Variants in EDNRB observed in about 807,000 individuals in gnomAD.
The protein encoded by EDNRB is Hirschsprung disease 2.
In EDNRB, 18 loss-of-function variants were observed where a neutral mutation model predicts 46.4. The ratio of observed to expected loss-of-function variants is 0.39; its 90% CI spans 0.27 to 0.57. EDNRB has a LOEUF of 0.57. EDNRB is among the 20% of genes least tolerant of loss of function. EDNRB has a pLI of 0.61. For synonymous variants in EDNRB, 213 were observed against 204.9 expected (o/e 1.04, Z -0.34); for missense variants, 434 against 537.5 (o/e 0.81, Z 1.90).
chr13:77,954,786 T>C (rs926594352), intron 1 of EDNRB, among the ~76,000 whole-genome samples: 1 of 152,046 alleles, frequency 6.6e-6, no homozygotes. Context: ...GGATTACAGG[T>C]GTGAGCCAAC....
At chr13:77,914,726 C>G (rs1879728280) in intron 1 of EDNRB, among the ~76,000 whole-genome samples, 1 of 152,178 alleles carries the variant, frequency 6.6e-6, no homozygotes, top group Non-Finnish European at 1.5e-5. Flanking sequence ...TTGAGGAAGT[C>G]CAGGCAGATC....
chr13:77,920,534 G>A (rs1880052751), upstream of EDNRB, among the ~76,000 whole-genome samples: 1 of 152,190 alleles, frequency 6.6e-6, no homozygotes, highest in African/African-American at 2.4e-5. Context: ...TGGAATAGAT[G>A]GGACAAGAAC....
In EDNRB at chr13:77,897,365, G is replaced by C. The variant is rs1237032869; in HGVS notation, c.*835C>G. On this transcript the variant is annotated 3_prime_UTR_variant, in exon 7 of 7. Transcript: ENST00000646607. ...AGATAGTATTGTCTTCACAGGGTAT[G>C]TGAATGACAGATTCAAAAAAGTCTT... 1.7e-5 allele frequency: 17 copies of C among 985,168 alleles called. 1 individual carries two copies. In the East Asian group the frequency reaches 6.8e-4, roughly 40 times the overall value. The allele number at this position is 985,168 out of a possible 1,614,324, so 61.0% of individuals were successfully genotyped here.
intron 1 of EDNRB, among the ~76,000 whole-genome samples, chr13:77,909,857 T>C (rs550803993): frequency 1.3e-5 from 2 of 152,022 alleles, no homozygotes; most frequent in Non-Finnish European, 2.9e-5. Context: ...ATTTACTATT[T>C]ATATTTTCTA....
Position 77,898,078 on chromosome 13 carries a change from AT to A in EDNRB, c.*121del. The A allele has an allele frequency of 2.0e-6, 3 of 1,496,086 alleles. No homozygotes were observed. In the South Asian group the frequency reaches 3.9e-5, roughly 19 times the overall value. 92.7% of individuals were successfully genotyped at this position (1,496,086 alleles called of 1,614,324 possible). On this transcript the variant is annotated 3_prime_UTR_variant, in exon 7 of 7. Coordinates refer to ENST00000646607, the MANE Select transcript of EDNRB (RefSeq NM_001122659.3). ...GTGAGTGTTAAAATAATTACACTTA[AT>A]ATTTTAATAGTGTGCTGTGCAAATA...
At chr13:77,940,766 G>T (rs1457056040) in intron 1 of EDNRB, among the ~76,000 whole-genome samples, 1 of 151,754 alleles carries the variant, frequency 6.6e-6, no homozygotes, top group Non-Finnish European at 1.5e-5. Context: ...AAGAGCAGTT[G>T]GGTTAAAATT....
In EDNRB at chr13:77,903,131, G is replaced by A. The variant is rs772585011; in HGVS notation, c.801+25C>T. 2.5e-6 allele frequency: 4 copies of A among 1,610,912 alleles called. No individual in the cohort carries two copies. The South Asian group carries it at 4.4e-5, about 18-fold the overall frequency. On this transcript the variant is annotated intron_variant, in intron 3 of 6. Transcript: ENST00000646607. ...AATATTTATAAGGCAAGAGCAGAAA[G>A]GAAAATAAAAAAAGTGAAATTTACC...
Position 77,896,848 on chromosome 13 carries a change from T to C in EDNRB, c.*1352A>G. The C allele has an allele frequency of 9.5e-7, 1 of 1,054,056 alleles. No homozygotes were observed. The highest frequency in any genetic ancestry group is 1.1e-6 in the Non-Finnish European group (1 of 875,574). The allele number at this position is 1,054,056 out of a possible 1,614,324, so 65.3% of individuals were successfully genotyped here. ...CCCAAGCTATCCTAAGGCACTTTGCTTAGAAGATATAAAAATTAGGCAGGA... is the reference window on the plus strand; with the variant it reads ...CCCAAGCTATCCTAAGGCACTTTGCCTAGAAGATATAAAAATTAGGCAGGA... On this transcript the variant is annotated 3_prime_UTR_variant, in exon 7 of 7. Transcript: ENST00000646607.
intron 1 of EDNRB, among the ~76,000 whole-genome samples, chr13:77,968,037 T>A (rs2137692419): frequency 6.6e-6 from 1 of 152,308 alleles, no homozygotes; most frequent in Admixed American, 6.5e-5. Context: ...CCTAAGTTCA[T>A]GAATTATGAC....
At chr13:77,945,885 A>AC (rs1176877996) in intron 1 of EDNRB, among the ~76,000 whole-genome samples, 7 of 151,450 alleles carry the variant, frequency 4.6e-5, no homozygotes, top group African/African-American at 9.7e-5. Context: ...CCAAAAAAAA[A>AC]AAAAAAAACA....
At chr13:77,974,016 C>A (rs565256359) in intron 1 of EDNRB, among the ~76,000 whole-genome samples, 2 of 151,694 alleles carry the variant, frequency 1.3e-5, no homozygotes, top group South Asian at 4.2e-4. Flanking sequence ...CTGTCTAAGG[C>A]CGCAAGAATA....
intron 1 of EDNRB, among the ~76,000 whole-genome samples, chr13:77,925,426 G>A (rs1880209570): frequency 6.6e-6 from 1 of 152,150 alleles, no homozygotes; most frequent in Admixed American, 6.5e-5. Context: ...ACAACCAATA[G>A]GTGGAAACAG....
chr13:77,958,710 C>G (rs572655341), intron 1 of EDNRB, among the ~76,000 whole-genome samples: 3 of 152,302 alleles, frequency 2.0e-5, no homozygotes, highest in African/African-American at 7.2e-5. Context: ...CATTGAGAAC[C>G]TTTGCTTTAT....
upstream of EDNRB, chr13:77,919,029 A>AAG (rs781034234): frequency 3.3e-5 from 21 of 636,640 alleles, no homozygotes; most frequent in Non-Finnish European, 4.5e-5. Flanking sequence ...GGCTTGTGTC[A>AAG]AGCTCTGCAT....
At chr13:77,938,978 T>A (rs1440824744) in intron 1 of EDNRB, among the ~76,000 whole-genome samples, 1 of 152,200 alleles carries the variant, frequency 6.6e-6, no homozygotes, top group Non-Finnish European at 1.5e-5. Flanking sequence ...CAGCACCAAA[T>A]TTCATGCACG....
At chr13:77,900,116 C>T in intron 5 of EDNRB, 149 bp from the exon 6 acceptor site, 1 of 733,262 alleles carries the variant, frequency 1.4e-6, no homozygotes, top group Non-Finnish European at 2.4e-6. Flanking sequence ...TGATTCTCTG[C>T]CTGTCTCTGT....
At position 77,897,193 on chromosome 13, in the gene EDNRB, C is replaced by T. The variant is rs1878674738; in HGVS notation, c.*1007G>A. Reference sequence around the variant, plus strand: ...TATTATGAGGTCACTGGCATCTCTCCATCGTAAAGCTATGAGCACAGGGCC... The same window carrying T: ...TATTATGAGGTCACTGGCATCTCTCTATCGTAAAGCTATGAGCACAGGGCC... On this transcript the variant is annotated 3_prime_UTR_variant, in exon 7 of 7. Coordinates refer to ENST00000646607, the MANE Select transcript of EDNRB (RefSeq NM_001122659.3). 2.0e-6 allele frequency: 2 copies of T among 985,360 alleles called. No individual in the cohort carries two copies. The highest frequency in any genetic ancestry group is 3.5e-5 in the African/African-American group (2 of 57,350). The allele number at this position is 985,360 out of a possible 1,614,324, so 61.0% of individuals were successfully genotyped here.
intron 6 of EDNRB, 37 bp from the exon 7 acceptor site, chr13:77,898,371 C>T: frequency 6.2e-7 from 1 of 1,609,522 alleles, no homozygotes; most frequent in East Asian, 2.2e-5. Context: ...ATGTTAACAT[C>T]AGTCACCTTT....
At chr13:77,902,265 T>A (rs1468046236) in intron 3 of EDNRB, among the ~76,000 whole-genome samples, 4 of 151,914 alleles carry the variant, frequency 2.6e-5, no homozygotes, top group Admixed American at 2.0e-4. Flanking sequence ...TTGTGCAGAT[T>A]ACGTAGTAGT....
Sources: gnomAD v4.1 joint callset for allele counts (sites outside exome capture counted in the v4.1 genomes callset) on GRCh38, gnomAD v4.1.1 for gene constraint, MANE v1.5 for transcripts, NCBI Gene and HGNC (gene_info 2026-07-23, HGNC 2026-07-21) for gene names.